The following ALDH1L1 variants were observed in gnomAD, a reference collection of about 807,000 sequenced individuals.
ALDH1L1 encodes the protein aldehyde dehydrogenase 1 family member L1.
ALDH1L1 carries 68 observed loss-of-function variants against 101.1 expected under a neutral mutation model. The ratio of observed to expected loss-of-function variants is 0.67; its 90% CI spans 0.55 to 0.82. The LOEUF (loss-of-function observed/expected upper bound fraction) is 0.82, where lower values mean the gene tolerates loss of function less well. Ranked by LOEUF, ALDH1L1 falls within the 40% of genes least tolerant of loss-of-function variation. The probability of loss-of-function intolerance (pLI) is 0.00; values close to 1 mark genes in which losing one functional copy is unlikely to be tolerated. For synonymous variants in ALDH1L1, 486 were observed against 470.8 expected (o/e 1.03, Z -0.42); for missense variants, 1,087 against 1,172.7 (o/e 0.93, Z 1.07).
In ALDH1L1 at chr3:126,131,459, C is replaced by A. The variant is rs201603474; in HGVS notation, c.1548G>T (p.Thr516=). ...IEALDAGAVY[T]LALKTHVGMS... is the part of the protein sequence containing the mutation. ...TGCCCACGTGGGTCTTCAGGGCCAG[C>A]GTGTAGACGGCACCCGCATCCAGGG... The change falls in exon 13 of 23, where the codon ACG becomes ACT. Residue 516 remains threonine (T), a synonymous_variant. Coordinates refer to ENST00000393434, the MANE Select transcript of ALDH1L1 (RefSeq NM_012190.4). 5 of 1,613,454 alleles carry A rather than the reference C, an allele frequency of 3.1e-6. No homozygotes were observed. The South Asian group carries it at 5.5e-5, about 18-fold the overall frequency.
intron 11 of ALDH1L1, among the ~76,000 whole-genome samples, chr3:126,136,200 T>G (rs1031321949): frequency 6.6e-6 from 1 of 152,222 alleles, no homozygotes; most frequent in Non-Finnish European, 1.5e-5. Flanking sequence ...CTCTGTCTTC[T>G]GCAAGGACTT....
chr3:126,176,793 T>C (rs1173776298), intron 1 of ALDH1L1, among the ~76,000 whole-genome samples: 1 of 152,104 alleles, frequency 6.6e-6, no homozygotes, highest in Non-Finnish European at 1.5e-5. Context: ...CAAGCCATGG[T>C]TGGGGAGAGA....
At chr3:126,127,971 G>A (rs1559931561) in intron 14 of ALDH1L1, among the ~76,000 whole-genome samples, 1 of 152,102 alleles carries the variant, frequency 6.6e-6, no homozygotes. Flanking sequence ...GATGAGAGCT[G>A]GAGGACAGCT....
chr3:126,181,122 C>G, upstream of ALDH1L1: 3 of 907,594 alleles, frequency 3.3e-6, no homozygotes, highest in South Asian at 1.5e-5. Flanking sequence ...AAAACAGCCC[C>G]TGGTTTTCTC....
intron 1 of ALDH1L1, among the ~76,000 whole-genome samples, chr3:126,187,058 G>A (rs530020257): frequency 6.6e-6 from 1 of 152,264 alleles, no homozygotes; most frequent in African/African-American, 2.4e-5. Context: ...AGAGGCTGCT[G>A]CCATTCCTGG....
upstream of ALDH1L1, among the ~76,000 whole-genome samples, chr3:126,183,588 G>A (rs112326977): frequency 7.6e-4 from 116 of 152,266 alleles, no homozygotes; most frequent in African/African-American, 2.2e-3. Flanking sequence ...TTCAGGACCC[G>A]CCCAGGAAGA....
At chr3:126,168,593 G>A (rs924217356) in intron 1 of ALDH1L1, among the ~76,000 whole-genome samples, 1 of 151,930 alleles carries the variant, frequency 6.6e-6, no homozygotes, top group African/African-American at 2.4e-5. Context: ...TAATATCGAG[G>A]GTTTTAAATT....
chr3:126,125,829 AG>A (rs1178650690), intron 14 of ALDH1L1, 108 bp from the exon 15 acceptor site: 10 of 781,216 alleles, frequency 1.3e-5, no homozygotes, highest in Admixed American at 1.2e-4. Flanking sequence ...TCTCAAAGCC[AG>A]GCTTCCTGAT....
intron 20 of ALDH1L1, 30 bp downstream of exon 20, chr3:126,109,914 C>T (rs1576409706): frequency 1.9e-6 from 3 of 1,610,264 alleles, no homozygotes; most frequent in South Asian, 1.1e-5. Context: ...CCTCAATTGA[C>T]CCAAGCGGAC....
At chr3:126,139,802 A>G (rs2080528774) in intron 9 of ALDH1L1, among the ~76,000 whole-genome samples, 2 of 152,324 alleles carry the variant, frequency 1.3e-5, no homozygotes, top group South Asian at 4.1e-4. Context: ...AAGAGGTTCA[A>G]CAGTAGTTTT....
At chr3:126,128,565 C>T (rs2108229171) in intron 14 of ALDH1L1, 1 of 152,386 alleles carries the variant, frequency 6.6e-6, no homozygotes, top group South Asian at 2.1e-4. Flanking sequence ...GCCCAGAGGC[C>T]CTGGCGGCCT....
intron 6 of ALDH1L1, 151 bp from the exon 7 acceptor site, chr3:126,153,732 G>A (rs1440034523): frequency 9.7e-7 from 1 of 1,034,238 alleles, no homozygotes; most frequent in Non-Finnish European, 1.4e-6. Context: ...GACCCCTGAG[G>A]CCCTTTCTCC....
chr3:126,179,213 G>C, intron 1 of ALDH1L1, among the ~76,000 whole-genome samples: 1 of 152,236 alleles, frequency 6.6e-6, no homozygotes. Flanking sequence ...TTGGTGGTGT[G>C]GGGACACTGG....
intron 1 of ALDH1L1, among the ~76,000 whole-genome samples, chr3:126,189,655 A>C (rs1374804): frequency 6.6e-6 from 1 of 152,064 alleles, no homozygotes; most frequent in African/African-American, 2.4e-5. Flanking sequence ...TTCTCAGCTC[A>C]TGGATCATGG....
Position 126,103,599 on chromosome 3 carries a change from G to A in ALDH1L1, c.*192C>T. 1.6e-6 allele frequency: 1 copy of A among 612,054 alleles called. No homozygotes were observed. The allele number at this position is 612,054 out of a possible 1,614,324, so 37.9% of individuals were successfully genotyped here. ...TCTTCAGAAGCTTTATTCTCCCTGG[G>A]AGGGGCACACCTCACCCAGCCAAGG... is the stretch of plus-strand genomic sequence containing the variant. On this transcript the variant is annotated 3_prime_UTR_variant, in exon 23 of 23. Transcript: ENST00000393434.
At position 126,176,124 on chromosome 3, in the gene ALDH1L1, A is replaced by C. The variant is rs541363011; in HGVS notation, c.-24+4352T>G. ...ACCAAAAAGTGAATTATTTATACAT[A>C]AACCTAAAATAGGTCAAAATCTATG... On this transcript the variant is annotated intron_variant, in intron 1 of 22. Transcript: ENST00000393434. Among the ~76,000 whole-genome samples, 5 of 152,346 alleles carry C rather than the reference A, an allele frequency of 3.3e-5. No individual in the cohort carries two copies. In the South Asian group the frequency reaches 1.0e-3, roughly 32 times the overall value.
intron 14 of ALDH1L1, among the ~76,000 whole-genome samples, chr3:126,128,166 G>A (rs2080226267): frequency 6.6e-6 from 1 of 152,286 alleles, no homozygotes; most frequent in South Asian, 2.1e-4. Context: ...GAAGCCACCC[G>A]AGGATTCCGA....
At chr3:126,148,080 A>G (rs1482270942) in intron 8 of ALDH1L1, among the ~76,000 whole-genome samples, 2 of 152,234 alleles carry the variant, frequency 1.3e-5, no homozygotes, top group Non-Finnish European at 1.5e-5. Context: ...TGGGGCCACC[A>G]GTTGTCCCCT....
chr3:126,126,658 C>T (rs1462816387), intron 14 of ALDH1L1, among the ~76,000 whole-genome samples: 1 of 152,112 alleles, frequency 6.6e-6, no homozygotes, highest in South Asian at 2.1e-4. Flanking sequence ...GTGAAGCCGT[C>T]GGTTACAGTG....
Sources: gnomAD v4.1 joint callset for allele counts (sites outside exome capture counted in the v4.1 genomes callset) on GRCh38, gnomAD v4.1.1 for gene constraint, MANE v1.5 for transcripts, NCBI Gene and HGNC (gene_info 2026-07-23, HGNC 2026-07-21) for gene names.